Variants in SPRED1 observed in about 807,000 individuals in gnomAD.
SPRED1 encodes sprouty related EVH1 domain containing 1.
In SPRED1, 18 loss-of-function variants were observed where a neutral mutation model predicts 52.3. The observed-to-expected ratio is 0.34, with a 90% CI of 0.24 to 0.51. The LOEUF (loss-of-function observed/expected upper bound fraction) is 0.51, where lower values mean the gene tolerates loss of function less well. SPRED1 is among the 20% of genes least tolerant of loss of function. SPRED1 has a pLI of 0.97. For synonymous variants in SPRED1, 155 were observed against 179.7 expected (o/e 0.86, Z 1.10); for missense variants, 485 against 551.0 (o/e 0.88, Z 1.20).
At chr15:38,341,864 G>C (rs1896037018) in intron 5 of SPRED1, among the ~76,000 whole-genome samples, 1 of 151,958 alleles carries the variant, frequency 6.6e-6, no homozygotes, top group Admixed American at 6.6e-5. Context: ...TTGTCATTAT[G>C]AGATATCCTC....
chr15:38,325,496 G>A (rs1316520053), intron 4 of SPRED1, among the ~76,000 whole-genome samples: 1 of 151,818 alleles, frequency 6.6e-6, no homozygotes, highest in Admixed American at 6.6e-5. Context: ...ATTGTGGGCT[G>A]GGTTGGCAGA....
chr15:38,269,917 T>C (rs1595716257), intron 1 of SPRED1, among the ~76,000 whole-genome samples: 2 of 146,652 alleles, frequency 1.4e-5, no homozygotes, highest in South Asian at 2.2e-4. Flanking sequence ...TTTTTTTTTT[T>C]TTTTTTTTGA....
At chr15:38,281,622 C>CA (rs966977547) in intron 1 of SPRED1, among the ~76,000 whole-genome samples, 49 of 131,762 alleles carry the variant, frequency 3.7e-4, no homozygotes, top group African/African-American at 1.4e-3. Context: ...AGGCTGGTCT[C>CA]AAACTCCTGG....
intron 1 of SPRED1, among the ~76,000 whole-genome samples, chr15:38,281,223 T>C (rs1894680745): frequency 6.6e-6 from 1 of 152,206 alleles, no homozygotes. Context: ...CTGATGTGAT[T>C]TGTTTGATGA....
rs886051124 is a variant in SPRED1, at chr15:38,356,896, G to T, written c.*5232G>T. The T allele has an allele frequency of 6.6e-6, 1 of 152,096 alleles. No homozygotes were observed. Among genetic ancestry groups the T allele is most frequent in the African/African-American group, 2.4e-5 (1 of 41,424 alleles). The allele number at this position is 152,096 out of a possible 1,614,324, so 9.4% of individuals were successfully genotyped here. A position where few individuals can be genotyped will look rare whatever the true frequency, so the allele number is the denominator to read the frequency against. On this transcript the variant is annotated 3_prime_UTR_variant, in exon 7 of 7. Coordinates refer to ENST00000299084, the MANE Select transcript of SPRED1 (RefSeq NM_152594.3). ...GAATAAGTTGGATTACTATATTATAGTTTATTTGAAAAATCAAGGAGTAAC... is the reference window on the plus strand; with the variant it reads ...GAATAAGTTGGATTACTATATTATATTTTATTTGAAAAATCAAGGAGTAAC...
intron 2 of SPRED1, among the ~76,000 whole-genome samples, chr15:38,311,173 AT>A (rs550700290): frequency 2.6e-5 from 4 of 151,962 alleles, no homozygotes; most frequent in African/African-American, 9.7e-5. Context: ...AGTATGTTAA[AT>A]TTTTTTTGTG....
At chr15:38,326,077 G>T (rs1895705706) in intron 4 of SPRED1, 1 of 152,166 alleles carries the variant, frequency 6.6e-6, no homozygotes, top group African/African-American at 2.4e-5. Flanking sequence ...AAGTTCCGAA[G>T]AGACTTACTG....
chr15:38,323,907 T>A (rs528529665), intron 3 of SPRED1, among the ~76,000 whole-genome samples: 74 of 152,312 alleles, frequency 4.9e-4, no homozygotes, highest in Middle Eastern at 3.4e-3. Flanking sequence ...TTGGGTTTAA[T>A]GTTTTAAAAA....
intron 2 of SPRED1, among the ~76,000 whole-genome samples, chr15:38,301,052 C>T (rs1020868385): frequency 3.3e-5 from 5 of 151,776 alleles, no homozygotes; most frequent in East Asian, 3.9e-4. Context: ...AATGCTTGCT[C>T]GAAAAATTAT....
intron 1 of SPRED1, among the ~76,000 whole-genome samples, chr15:38,261,312 T>C (rs1346681377): frequency 6.6e-6 from 1 of 152,230 alleles, no homozygotes; most frequent in Non-Finnish European, 1.5e-5. Flanking sequence ...TCTAGAATCA[T>C]AACTGATTTT....
intron 1 of SPRED1, among the ~76,000 whole-genome samples, chr15:38,285,499 G>C (rs1168780011): frequency 6.6e-6 from 1 of 152,162 alleles, no homozygotes; most frequent in African/African-American, 2.4e-5. Flanking sequence ...AAGGGGTTTA[G>C]GTGGTGAGCA....
chr15:38,269,839 A>G (rs1894392524), intron 1 of SPRED1, among the ~76,000 whole-genome samples: 2 of 151,982 alleles, frequency 1.3e-5, no homozygotes, highest in South Asian at 2.1e-4. Context: ...TTTAATTTAT[A>G]TAGCCACAAG....
At chr15:38,339,557 T>G (rs1318158573) in intron 4 of SPRED1, among the ~76,000 whole-genome samples, 180 bp from the exon 5 acceptor site, 1 of 152,216 alleles carries the variant, frequency 6.6e-6, no homozygotes, top group Non-Finnish European at 1.5e-5. Context: ...TTCATATTAT[T>G]GTATTTTGAC....
rs577015361 is a variant in SPRED1 at position 38,307,850 on chromosome 15, C to T, written c.207+8303C>T. On this transcript the variant is annotated intron_variant, in intron 2 of 6. Coordinates refer to ENST00000299084, the MANE Select transcript of SPRED1 (RefSeq NM_152594.3). ...GAACTCCAGACAGTTTATGTTTTTT[C>T]GCATGTAGGTACATTTACTTAAGTT... Among the ~76,000 whole-genome samples, 243 of 152,030 alleles carry T rather than the reference C, an allele frequency of 1.6e-3. 1 individual carries two copies. Among genetic ancestry groups the T allele is most frequent in the Non-Finnish European group, 2.9e-3 (200 of 67,956 alleles).
chr15:38,331,602 A>G (rs1351066552), intron 4 of SPRED1, among the ~76,000 whole-genome samples: 1 of 152,052 alleles, frequency 6.6e-6, no homozygotes, highest in East Asian at 1.9e-4. Context: ...CATGTGGCTC[A>G]AAAGAATGCT....
At chr15:38,340,395 G>A (rs1896003617) in intron 5 of SPRED1, among the ~76,000 whole-genome samples, 1 of 151,994 alleles carries the variant, frequency 6.6e-6, no homozygotes, top group Non-Finnish European at 1.5e-5. Flanking sequence ...TGGTTGCCGT[G>A]TGATGTATTC....
chr15:38,349,637 T>G (rs1888438902), intron 6 of SPRED1, 114 bp downstream of exon 6: 1 of 775,318 alleles, frequency 1.3e-6, no homozygotes, highest in East Asian at 2.8e-5. Context: ...AAATTTTTCA[T>G]TGTATAAATT....
chr15:38,264,033 G>A (rs1894255013), intron 1 of SPRED1, among the ~76,000 whole-genome samples: 1 of 152,160 alleles, frequency 6.6e-6, no homozygotes, highest in African/African-American at 2.4e-5. Flanking sequence ...TTATTTGTTG[G>A]CTCATGTCAG....
At chr15:38,286,502 A>T (rs533452331) in intron 1 of SPRED1, among the ~76,000 whole-genome samples, 2 of 146,500 alleles carry the variant, frequency 1.4e-5, no homozygotes, top group East Asian at 2.0e-4. Context: ...GAAGATTTAT[A>T]TTTATCTTTT....
Sources: gnomAD v4.1 joint callset for allele counts (sites outside exome capture counted in the v4.1 genomes callset) on GRCh38, gnomAD v4.1.1 for gene constraint, MANE v1.5 for transcripts, NCBI Gene and HGNC (gene_info 2026-07-23, HGNC 2026-07-21) for gene names.